FHIP1A: variants seen among roughly 807,000 people sequenced by gnomAD.
The protein encoded by FHIP1A is FHF complex subunit HOOK-interacting protein 1A.
In FHIP1A, 61 loss-of-function variants were observed where a neutral mutation model predicts 88.6. That is an observed-to-expected ratio of 0.69 (90% CI 0.56 to 0.85). The LOEUF (loss-of-function observed/expected upper bound fraction) is 0.85. FHIP1A is among the 40% of genes least tolerant of loss of function. FHIP1A has a pLI of 0.00. For synonymous variants in FHIP1A, 478 were observed against 496.0 expected (o/e 0.96, Z 0.48); for missense variants, 1,154 against 1,273.5 (o/e 0.91, Z 1.43).
chr4:151,635,008 A>G (rs1736297302), intron 8 of FHIP1A, among the ~76,000 whole-genome samples: 1 of 151,812 alleles, frequency 6.6e-6, no homozygotes, highest in Non-Finnish European at 1.5e-5. Context: ...GATAGGGGGT[A>G]GTATCCAGAA....
chr4:151,570,487 A>C (rs1450070123), intron 4 of FHIP1A, among the ~76,000 whole-genome samples: 1 of 152,018 alleles, frequency 6.6e-6, no homozygotes, highest in African/African-American at 2.4e-5. Context: ...TCTATGTTGC[A>C]CTGGAGCGCA....
Position 151,542,502 on chromosome 4 carries a change from G to T in FHIP1A, c.-122-23636G>T, listed in dbSNP as rs546950876. 1.3e-4 allele frequency among the ~76,000 whole-genome samples: 20 copies of T among 152,120 alleles called. No homozygotes were observed. In the South Asian group the frequency reaches 4.2e-3, roughly 32 times the overall value. The stretch of plus-strand genomic sequence containing the variant: ...CATCACTGTACTACCTGCTTTACCT[G>T]CAGTATTCTCTCTCTCTCTCAACAG... On this transcript the variant is annotated intron_variant, in intron 3 of 13. Transcript: ENST00000435205.
intron 3 of FHIP1A, among the ~76,000 whole-genome samples, chr4:151,536,830 G>A (rs1580681232): frequency 1.3e-5 from 2 of 152,084 alleles, no homozygotes; most frequent in African/African-American, 4.8e-5. Context: ...TGCCCAGCAG[G>A]TCAGTTGCTG....
intron 1 of FHIP1A, among the ~76,000 whole-genome samples, chr4:151,423,475 C>T (rs1733252548): frequency 6.6e-6 from 1 of 152,126 alleles, no homozygotes; most frequent in African/African-American, 2.4e-5. Context: ...AAAGAGAATG[C>T]AATTTGGGTG....
chr4:151,577,890 C>T lies in FHIP1A; in HGVS notation c.546C>T (p.Leu182=), dbSNP rs1026755479. 22 of 1,551,738 alleles carry T rather than the reference C, an allele frequency of 1.4e-5. No individual in the cohort carries two copies. Among genetic ancestry groups the T allele is most frequent in the Middle Eastern group, 1.7e-4 (1 of 6,014 alleles). ...CCAAAGATCCATCCATTTTAGAACT[C>T]TTCTTCCACACTAGTGAAGACCAAG... ...ILAKDPSILE[L]FFHTSEDQGA... The change falls in exon 5 of 14, where the codon CTC becomes CTT. Residue 182 remains leucine (L), a synonymous_variant. Transcript: ENST00000435205.
At chr4:151,502,695 A>C (rs1730696596) in intron 3 of FHIP1A, among the ~76,000 whole-genome samples, 1 of 152,324 alleles carries the variant, frequency 6.6e-6, no homozygotes, top group South Asian at 2.1e-4. Flanking sequence ...TGTGCTAGAC[A>C]TTGAGTACAG....
At chr4:151,537,926 C>T (rs1306798441) in intron 3 of FHIP1A, among the ~76,000 whole-genome samples, 2 of 152,162 alleles carry the variant, frequency 1.3e-5, no homozygotes, top group Non-Finnish European at 2.9e-5. Context: ...GCATTCATCC[C>T]AGTCATAGCC....
chr4:151,457,183 A>T (rs1213892558), intron 2 of FHIP1A, among the ~76,000 whole-genome samples: 1 of 152,206 alleles, frequency 6.6e-6, no homozygotes, highest in African/African-American at 2.4e-5. Context: ...TATGTTAAGA[A>T]GGTATGTGTT....
At chr4:151,605,799 A>G (rs1476234078) in intron 7 of FHIP1A, among the ~76,000 whole-genome samples, 1 of 152,244 alleles carries the variant, frequency 6.6e-6, no homozygotes, top group Non-Finnish European at 1.5e-5. Flanking sequence ...TTTGGGGACT[A>G]GAGAAGTAAA....
chr4:151,507,646 C>T (rs1730881582), intron 3 of FHIP1A, among the ~76,000 whole-genome samples: 1 of 152,032 alleles, frequency 6.6e-6, no homozygotes, highest in African/African-American at 2.4e-5. Flanking sequence ...GCTTTCTTGG[C>T]TATTAAGTGA....
chr4:151,669,184 G>T lies in FHIP1A; in HGVS notation c.*6430G>T, dbSNP rs1737772320. 6.6e-6 allele frequency among the ~76,000 whole-genome samples: 1 copy of T among 152,138 alleles called. No homozygotes were observed. Among genetic ancestry groups the T allele is most frequent in the Non-Finnish European group, 1.5e-5 (1 of 68,026 alleles). On this transcript the variant is annotated 3_prime_UTR_variant, in exon 14 of 14. Transcript: ENST00000435205. ...GGGTTTCAGTCAGAGCCATGCTTTG[G>T]GTTTTTCCTAGCAGCAGTGATGATA...
intron 7 of FHIP1A, among the ~76,000 whole-genome samples, chr4:151,606,241 G>C (rs1358715057): frequency 6.6e-6 from 1 of 152,222 alleles, no homozygotes; most frequent in Non-Finnish European, 1.5e-5. Flanking sequence ...TTCTCTGGCA[G>C]ACTTCCCGTT....
chr4:151,644,654 C>G (rs1020654285), intron 9 of FHIP1A, among the ~76,000 whole-genome samples: 1 of 152,170 alleles, frequency 6.6e-6, no homozygotes, highest in East Asian at 1.9e-4. Flanking sequence ...ACCCCACCCC[C>G]AAATAAGGAG....
rs1016645860 is a variant in FHIP1A at position 151,666,421 on chromosome 4, G to A, written c.*3667G>A. Among the ~76,000 whole-genome samples the A allele has an allele frequency of 3.9e-5, 6 of 152,074 alleles. No homozygotes were observed. Among genetic ancestry groups the A allele is most frequent in the African/African-American group, 1.2e-4 (5 of 41,408 alleles). On this transcript the variant is annotated 3_prime_UTR_variant, in exon 14 of 14. Transcript: ENST00000435205. ...GTCAGGTGTTAGGTAGGACGCATTC[G>A]GTATTTTTATAGGTCATCAGGAGTA...
chr4:151,574,842 G>C (rs1294796101), intron 4 of FHIP1A, among the ~76,000 whole-genome samples: 2 of 151,760 alleles, frequency 1.3e-5, no homozygotes, highest in Non-Finnish European at 2.9e-5. Flanking sequence ...TTTTTGATGG[G>C]TCTATTGTAT....
At chr4:151,552,485 A>G (rs2126747220) in intron 3 of FHIP1A, among the ~76,000 whole-genome samples, 1 of 152,318 alleles carries the variant, frequency 6.6e-6, no homozygotes, top group Admixed American at 6.5e-5. Context: ...ACCATGGAAT[A>G]CTATGCAGCC....
chr4:151,651,449 A>G (rs1056203187), intron 11 of FHIP1A, among the ~76,000 whole-genome samples: 3 of 152,184 alleles, frequency 2.0e-5, no homozygotes, highest in Non-Finnish European at 4.4e-5. Context: ...TCAGGTAGCA[A>G]GGAGAGGGGC....
At chr4:151,571,407 G>A (rs914924728) in intron 4 of FHIP1A, among the ~76,000 whole-genome samples, 2 of 152,198 alleles carry the variant, frequency 1.3e-5, no homozygotes, top group Non-Finnish European at 2.9e-5. Flanking sequence ...AAGTCAGTGG[G>A]TTTAGTAACC....
At chr4:151,529,317 T>G (rs1167060401) in intron 3 of FHIP1A, among the ~76,000 whole-genome samples, 1 of 152,188 alleles carries the variant, frequency 6.6e-6, no homozygotes, top group Admixed American at 6.5e-5. Flanking sequence ...GATTGTGGAC[T>G]GTCATTCTGG....
Sources: allele counts gnomAD v4.1 joint callset (sites outside exome capture counted in the v4.1 genomes callset), GRCh38; gene constraint gnomAD v4.1.1; transcripts MANE v1.5; gene names NCBI Gene and HGNC (gene_info 2026-07-23, HGNC 2026-07-21).